Variants in IKZF2 observed in about 807,000 individuals in gnomAD.
The protein encoded by IKZF2 is zinc finger protein Helios.
A neutral mutation model predicts 49.2 loss-of-function variants in IKZF2; 15 were observed. That is an observed-to-expected ratio of 0.30 (90% confidence interval 0.20 to 0.47). The LOEUF is 0.47. IKZF2 is among the 20% of genes least tolerant of loss of function. IKZF2 has a pLI of 1.00. For synonymous variants in IKZF2, 227 were observed against 221.4 expected (o/e 1.03, Z -0.23); for missense variants, 567 against 664.6 (o/e 0.85, Z 1.61).
chr2:213,034,481 A>G (rs1295909637), intron 6 of IKZF2, among the ~76,000 whole-genome samples: 2 of 152,160 alleles, frequency 1.3e-5, no homozygotes, highest in Non-Finnish European at 1.5e-5. Flanking sequence ...CTTAGAGGCC[A>G]TTGTACAGTT....
intron 4 of IKZF2, among the ~76,000 whole-genome samples, chr2:213,129,308 G>A (rs924659586): frequency 1.4e-5 from 2 of 147,856 alleles, no homozygotes; most frequent in African/African-American, 5.0e-5. Flanking sequence ...AATGCCTGGA[G>A]AGGGGCTTAT....
intron 6 of IKZF2, among the ~76,000 whole-genome samples, chr2:213,023,356 G>C (rs1697439637): frequency 6.6e-6 from 1 of 152,170 alleles, no homozygotes; most frequent in African/African-American, 2.4e-5. Context: ...CCTTTAGATT[G>C]TAATTGAGGT....
intron 4 of IKZF2, among the ~76,000 whole-genome samples, chr2:213,100,049 C>T (rs115865194): frequency 0.018 from 2,798 of 152,094 alleles, 85 homozygotes; most frequent in African/African-American, 0.064. Context: ...TAATGTATGG[C>T]ATTTAAGCTA....
At chr2:213,151,841 G>GTA (rs1357449914), upstream of IKZF2, among the ~76,000 whole-genome samples, 1 of 149,632 alleles carries the variant, frequency 6.7e-6, no homozygotes, top group Non-Finnish European at 1.5e-5. Context: ...GTGCGTGTGT[G>GTA]TATGAGAGCG....
chr2:213,129,471 C>G (rs1007399433), intron 4 of IKZF2, among the ~76,000 whole-genome samples: 3 of 150,974 alleles, frequency 2.0e-5, no homozygotes, highest in African/African-American at 7.3e-5. Flanking sequence ...AACGAACTTG[C>G]CATGTCCCGG....
chr2:213,105,983 A>C (rs1298779496), intron 4 of IKZF2, among the ~76,000 whole-genome samples: 1 of 152,200 alleles, frequency 6.6e-6, no homozygotes, highest in East Asian at 1.9e-4. Context: ...CAAAAGATAA[A>C]TGTACAATTT....
At chr2:213,077,430 A>G (rs991793726) in intron 4 of IKZF2, among the ~76,000 whole-genome samples, 1 of 152,166 alleles carries the variant, frequency 6.6e-6, no homozygotes, top group Non-Finnish European at 1.5e-5. Flanking sequence ...CCTCTTATCT[A>G]TAGTGAATGC....
intron 6 of IKZF2, among the ~76,000 whole-genome samples, chr2:213,036,424 G>A (rs776498809): frequency 3.9e-5 from 6 of 151,954 alleles, no homozygotes; most frequent in Admixed American, 3.3e-4. Context: ...TTTAATTTTT[G>A]TAATAGACTA....
At chr2:213,062,717 G>A (rs1282659030) in intron 4 of IKZF2, among the ~76,000 whole-genome samples, 1 of 151,884 alleles carries the variant, frequency 6.6e-6, no homozygotes, top group Non-Finnish European at 1.5e-5. Context: ...CCCAGTCTAT[G>A]CCAGACACTT....
intron 4 of IKZF2, among the ~76,000 whole-genome samples, chr2:213,076,129 T>A (rs556108311): frequency 1.3e-5 from 2 of 151,918 alleles, no homozygotes; most frequent in South Asian, 4.2e-4. Flanking sequence ...GGATTTTTTT[T>A]AAACAGGCAG....
intron 5 of IKZF2, among the ~76,000 whole-genome samples, chr2:213,053,606 G>T (rs1482342785): frequency 1.3e-5 from 2 of 152,092 alleles, no homozygotes; most frequent in African/African-American, 4.8e-5. Flanking sequence ...TACAAAATAC[G>T]GTGCTGAAAA....
In IKZF2 at chr2:213,147,743, T is replaced by C. The variant is rs61762988; in HGVS notation, c.104A>G (p.Asn35Ser). The C allele has an allele frequency of 2.9e-3, 4,741 of 1,613,858 alleles. 7 individuals are homozygous for C. Among genetic ancestry groups the C allele is most frequent in the Non-Finnish European group, 3.6e-3 (4,277 of 1,179,742 alleles). ...GTGACTTGGTGAGGCATGCTGTCCA[T>C]TGGGTGTGCTTGAGGTGAGGTCAAT... ...MAIDLTSSTP[N>S]GQHASPSHMT... Residue 35 changes from asparagine to serine, a missense_variant, in exon 4 of 9, where the codon AAT becomes AGT. Physicochemically the swap from Asn to Ser is conservative, Grantham distance 46. Coordinates refer to ENST00000434687, the MANE Select transcript of IKZF2 (RefSeq NM_001387220.1).
chr2:213,091,877 G>C (rs1393637828), intron 4 of IKZF2, among the ~76,000 whole-genome samples: 1 of 151,616 alleles, frequency 6.6e-6, no homozygotes, highest in African/African-American at 2.4e-5. Flanking sequence ...GTGAAAGAGA[G>C]TATAAGCTGT....
intron 6 of IKZF2, among the ~76,000 whole-genome samples, chr2:213,035,014 C>G (rs1296308779): frequency 6.6e-6 from 1 of 152,136 alleles, no homozygotes; most frequent in East Asian, 1.9e-4. Context: ...AAGCAAATAG[C>G]TTGCTCTAAC....
chr2:213,083,620 T>A (rs1031964551), intron 4 of IKZF2, among the ~76,000 whole-genome samples: 39 of 146,994 alleles, frequency 2.7e-4, no homozygotes, highest in Admixed American at 9.0e-4. Context: ...CAGGCTGGTC[T>A]CAAACTCTCA....
At chr2:213,025,430 G>A (rs77244659) in intron 6 of IKZF2, among the ~76,000 whole-genome samples, 2 of 152,204 alleles carry the variant, frequency 1.3e-5, no homozygotes, top group East Asian at 3.9e-4. Flanking sequence ...GGACATAGCT[G>A]TCTCCTCTGC....
intron 6 of IKZF2, among the ~76,000 whole-genome samples, chr2:213,032,306 G>A (rs1698521593): frequency 6.6e-6 from 1 of 152,096 alleles, no homozygotes; most frequent in Non-Finnish European, 1.5e-5. Flanking sequence ...TCACAATAAA[G>A]AATATATCCT....
intron 4 of IKZF2, among the ~76,000 whole-genome samples, chr2:213,131,951 C>T (rs914119478): frequency 8.5e-5 from 13 of 152,116 alleles, no homozygotes; most frequent in Non-Finnish European, 1.8e-4. Context: ...AATTGAGAGA[C>T]TACTATGTAT....
rs796845486 is a variant in IKZF2 at position 213,002,773 on chromosome 2, C to T, written c.*4587G>A. Reference sequence around the variant, plus strand: ...CTAACAGATTAGAAAATACAGATTCCAAGACTAGAACAATACTAGTCTGGA... The same window carrying T: ...CTAACAGATTAGAAAATACAGATTCTAAGACTAGAACAATACTAGTCTGGA... On this transcript the variant is annotated 3_prime_UTR_variant, in exon 9 of 9. Coordinates refer to ENST00000434687, the MANE Select transcript of IKZF2 (RefSeq NM_001387220.1). 2.1e-4 allele frequency: 32 copies of T among 151,922 alleles called. No individual in the cohort carries two copies. Among genetic ancestry groups the T allele is most frequent in the African/African-American group, 7.0e-4 (29 of 41,476 alleles). The allele number at this position is 151,922 out of a possible 1,614,324, so 9.4% of individuals were successfully genotyped here. A position where few individuals can be genotyped will look rare whatever the true frequency, so the allele number is the denominator to read the frequency against.
Sources: gnomAD v4.1 joint callset for allele counts (sites outside exome capture counted in the v4.1 genomes callset) on GRCh38, gnomAD v4.1.1 for gene constraint, MANE v1.5 for transcripts, NCBI Gene and HGNC (gene_info 2026-07-23, HGNC 2026-07-21) for gene names.